The following TMEM117 variants were observed in gnomAD, a reference collection of about 807,000 sequenced individuals.
The protein encoded by TMEM117 is transmembrane protein 117.
In TMEM117, 27 loss-of-function variants were observed where a neutral mutation model predicts 52.4. That is an observed-to-expected ratio of 0.51 (90% confidence interval 0.38 to 0.71). The LOEUF is 0.71. Ranked by LOEUF, TMEM117 falls within the 30% of genes least tolerant of loss-of-function variation. The pLI is 0.00. For missense variants in TMEM117, 556 were observed against 630.5 expected, an observed-to-expected ratio of 0.88 and a Z score of 1.26; for synonymous variants, 215 against 206.3, an observed-to-expected ratio of 1.04 and a Z score of -0.36.
intron 3 of TMEM117, among the ~76,000 whole-genome samples, chr12:44,075,302 A>T (rs1413421053): frequency 6.6e-6 from 1 of 152,240 alleles, no homozygotes; most frequent in Non-Finnish European, 1.5e-5. Context: ...ATCCTGATTC[A>T]GGCATGCAGT....
At chr12:44,222,411 A>G (rs1241471674) in intron 5 of TMEM117, among the ~76,000 whole-genome samples, 1 of 152,118 alleles carries the variant, frequency 6.6e-6, no homozygotes, top group African/African-American at 2.4e-5. Context: ...ACCTATATCC[A>G]TTTACAAATG....
At chr12:44,167,688 T>C (rs1276445373) in intron 4 of TMEM117, among the ~76,000 whole-genome samples, 1 of 152,052 alleles carries the variant, frequency 6.6e-6, no homozygotes, top group African/African-American at 2.4e-5. Flanking sequence ...ACATAAGCTG[T>C]AGAATCAGAG....
chr12:44,380,391 T>C (rs1466552167), intron 7 of TMEM117, among the ~76,000 whole-genome samples: 2 of 152,168 alleles, frequency 1.3e-5, no homozygotes, highest in African/African-American at 4.8e-5. Flanking sequence ...GCTTTGTTTG[T>C]TCTGCACTAG....
At chr12:43,911,871 A>T (rs1335034143) in intron 2 of TMEM117, among the ~76,000 whole-genome samples, 2 of 150,782 alleles carry the variant, frequency 1.3e-5, no homozygotes, top group African/African-American at 4.9e-5. Flanking sequence ...GGCTGTGGAG[A>T]AATAGGAACA....
chr12:44,103,006 AGG>A (rs1947889633), intron 3 of TMEM117, among the ~76,000 whole-genome samples: 1 of 152,030 alleles, frequency 6.6e-6, no homozygotes, highest in Non-Finnish European at 1.5e-5. Context: ...AAGTTTCCTG[AGG>A]CCTCCCCAGC....
intron 6 of TMEM117, among the ~76,000 whole-genome samples, chr12:44,350,003 G>A (rs779782438): frequency 6.6e-6 from 1 of 151,950 alleles, no homozygotes. Context: ...AGAATGGGTC[G>A]TCAGAGAAGT....
chr12:44,135,463 CA>C (rs1458465729), intron 3 of TMEM117, among the ~76,000 whole-genome samples: 1 of 152,106 alleles, frequency 6.6e-6, no homozygotes, highest in Non-Finnish European at 1.5e-5. Flanking sequence ...TTACATGCTG[CA>C]ATAAGGTTCC....
At chr12:44,260,894 A>T (rs1950312945) in intron 5 of TMEM117, among the ~76,000 whole-genome samples, 1 of 152,098 alleles carries the variant, frequency 6.6e-6, no homozygotes, top group Non-Finnish European at 1.5e-5. Flanking sequence ...AGAGAGACAA[A>T]TTTTTTTAGC....
intron 3 of TMEM117, among the ~76,000 whole-genome samples, chr12:43,958,082 T>C (rs888418677): frequency 6.6e-6 from 1 of 152,230 alleles, no homozygotes; most frequent in African/African-American, 2.4e-5. Flanking sequence ...AGGAAATACA[T>C]AGTGAACTCT....
intron 5 of TMEM117, 90 bp downstream of exon 5, chr12:44,211,477 T>C: frequency 2.3e-6 from 2 of 876,780 alleles, no homozygotes; most frequent in Non-Finnish European, 3.6e-6. Flanking sequence ...ATTATAGAAT[T>C]CTATCTAGAG....
rs932588568 is a variant in TMEM117 at position 43,947,482 on chromosome 12, A to C, written c.410+3140A>C. Among the ~76,000 whole-genome samples, 15 of 152,224 alleles carry C rather than the reference A, an allele frequency of 9.9e-5. 1 individual carries two copies. Among genetic ancestry groups the C allele is most frequent in the African/African-American group, 3.6e-4 (15 of 41,462 alleles). On this transcript the variant is annotated intron_variant, in intron 3 of 7. Coordinates refer to ENST00000266534, the MANE Select transcript of TMEM117 (RefSeq NM_032256.3). ...TCAGTTCTTAGAGCAAGTGGATACA[A>C]CTGTGCTATTGGGGTTGTCCTAGAA...
chr12:43,890,657 G>A (rs1038678307), intron 2 of TMEM117, among the ~76,000 whole-genome samples: 9 of 151,824 alleles, frequency 5.9e-5, no homozygotes, highest in African/African-American at 2.2e-4. Flanking sequence ...TCAGCCTCCC[G>A]AGTAACTGGG....
At chr12:44,063,642 G>A (rs1018299993) in intron 3 of TMEM117, among the ~76,000 whole-genome samples, 55 of 24,084 alleles carry the variant, frequency 2.3e-3, no homozygotes, top group African/African-American at 4.9e-3. Context: ...AACAGCCCCC[G>A]GTGTGTGATG....
intron 5 of TMEM117, among the ~76,000 whole-genome samples, chr12:44,262,758 T>C (rs1021216669): frequency 3.3e-5 from 5 of 152,178 alleles, no homozygotes; most frequent in Non-Finnish European, 7.3e-5. Context: ...GGCTAATATT[T>C]TTGTATTTTT....
At chr12:44,165,007 A>G (rs1372851637) in intron 4 of TMEM117, among the ~76,000 whole-genome samples, 8 of 152,166 alleles carry the variant, frequency 5.3e-5, no homozygotes, top group African/African-American at 1.4e-4. Context: ...GTGAAACACT[A>G]GAACTTATTT....
chr12:43,832,348 G>A (rs1416324124), upstream of TMEM117, among the ~76,000 whole-genome samples: 2 of 152,200 alleles, frequency 1.3e-5, no homozygotes, highest in Non-Finnish European at 1.5e-5. Context: ...TTTTATAGAT[G>A]TTGGTCATTT....
chr12:44,332,713 ACACACACACACAC>A (rs1473937065), intron 6 of TMEM117, among the ~76,000 whole-genome samples: 1 of 36,146 alleles, frequency 2.8e-5, no homozygotes, highest in Non-Finnish European at 5.3e-5. Context: ...TACTGTTACT[ACACACACACACAC>A]ACACACACAC....
intron 5 of TMEM117, among the ~76,000 whole-genome samples, chr12:44,247,470 T>A (rs1294546502): frequency 6.6e-6 from 1 of 152,226 alleles, no homozygotes; most frequent in Non-Finnish European, 1.5e-5. Flanking sequence ...TGTACATATT[T>A]ATGGTGTGCA....
At chr12:44,018,371 A>T (rs1946403993) in intron 3 of TMEM117, among the ~76,000 whole-genome samples, 1 of 152,200 alleles carries the variant, frequency 6.6e-6, no homozygotes, top group African/African-American at 2.4e-5. Context: ...AAAGGTCAAA[A>T]TTATATTTTA....
Sources: allele counts gnomAD v4.1 joint callset (sites outside exome capture counted in the v4.1 genomes callset), GRCh38; gene constraint gnomAD v4.1.1; transcripts MANE v1.5; gene names NCBI Gene and HGNC (gene_info 2026-07-23, HGNC 2026-07-21).